BMPR1A: variants seen among roughly 807,000 people sequenced by gnomAD.
The protein encoded by BMPR1A is bone morphogenetic protein receptor type-1A.
A neutral mutation model predicts 66.0 loss-of-function variants in BMPR1A; 7 were observed. That is an observed-to-expected ratio of 0.11 (90% CI 0.06 to 0.20). The LOEUF (loss-of-function observed/expected upper bound fraction) is 0.20, where lower values mean the gene tolerates loss of function less well. BMPR1A is among the 10% of genes least tolerant of loss of function. The pLI, the probability that BMPR1A is intolerant of heterozygous loss-of-function variation, is 1.00. For synonymous variants in BMPR1A, 200 were observed against 229.7 expected (o/e 0.87, Z 1.17); for missense variants, 408 against 669.1 (o/e 0.61, Z 4.31).
intron 1 of BMPR1A, among the ~76,000 whole-genome samples, chr10:86,827,053 A>G (rs1373977279): frequency 6.6e-6 from 1 of 152,122 alleles, no homozygotes; most frequent in Non-Finnish European, 1.5e-5. Context: ...TACATGAATA[A>G]ATCTGGTCCA....
intron 4 of BMPR1A, among the ~76,000 whole-genome samples, chr10:86,891,461 A>G (rs961561452): frequency 2.0e-5 from 3 of 152,212 alleles, no homozygotes; most frequent in Admixed American, 6.5e-5. Flanking sequence ...GATATTAACA[A>G]TAAATAGGAG....
intron 5 of BMPR1A, among the ~76,000 whole-genome samples, chr10:86,895,854 C>A (rs1843217074): frequency 6.6e-6 from 1 of 152,060 alleles, no homozygotes; most frequent in African/African-American, 2.4e-5. Context: ...ACGGCAGAAC[C>A]CCATCTCTAC....
At chr10:86,887,588 A>T (rs1456513655) in intron 3 of BMPR1A, among the ~76,000 whole-genome samples, 1 of 152,214 alleles carries the variant, frequency 6.6e-6, no homozygotes, top group Non-Finnish European at 1.5e-5. Flanking sequence ...TGAGGTTCAG[A>T]GAGTAACTTA....
intron 1 of BMPR1A, among the ~76,000 whole-genome samples, chr10:86,768,931 T>G (rs1460689676): frequency 6.6e-6 from 1 of 151,734 alleles, no homozygotes; most frequent in African/African-American, 2.4e-5. Context: ...AACACTGTGC[T>G]TGCCACTGTA....
chr10:86,818,777 G>GA (rs1842073108), intron 1 of BMPR1A, among the ~76,000 whole-genome samples: 1 of 152,144 alleles, frequency 6.6e-6, no homozygotes, highest in Non-Finnish European at 1.5e-5. Flanking sequence ...GACATACCTG[G>GA]ATTGGAGTTC....
chr10:86,880,765 C>G (rs1842975959), intron 3 of BMPR1A, among the ~76,000 whole-genome samples: 1 of 152,126 alleles, frequency 6.6e-6, no homozygotes, highest in Non-Finnish European at 1.5e-5. Context: ...AGGGAAAGAG[C>G]AAGGTGATCT....
chr10:86,773,617 A>C (rs1271901653), intron 1 of BMPR1A, among the ~76,000 whole-genome samples: 2 of 143,156 alleles, frequency 1.4e-5, no homozygotes, highest in African/African-American at 2.6e-5. Context: ...AAAAAAAAAA[A>C]CACAACACCA....
At chr10:86,870,162 G>C (rs1842837606) in intron 2 of BMPR1A, among the ~76,000 whole-genome samples, 1 of 152,180 alleles carries the variant, frequency 6.6e-6, no homozygotes, top group South Asian at 2.1e-4. Context: ...CAGAGTCATA[G>C]CTGAATATTA....
At chr10:86,771,464 G>A (rs1589707903) in intron 1 of BMPR1A, among the ~76,000 whole-genome samples, 1 of 152,104 alleles carries the variant, frequency 6.6e-6, no homozygotes, top group African/African-American at 2.4e-5. Flanking sequence ...CTATGATATA[G>A]TTACTATTAT....
chr10:86,837,083 A>G (rs1305179636), intron 1 of BMPR1A, among the ~76,000 whole-genome samples: 2 of 152,222 alleles, frequency 1.3e-5, no homozygotes, highest in African/African-American at 4.8e-5. Context: ...CTATTTTTTA[A>G]ACTTTAGATT....
chr10:86,804,513 A>C (rs1195742477), intron 1 of BMPR1A, among the ~76,000 whole-genome samples: 1 of 152,152 alleles, frequency 6.6e-6, no homozygotes, highest in African/African-American at 2.4e-5. Context: ...GATTACAGGC[A>C]TGAGCCACTG....
At chr10:86,891,977 C>A in intron 4 of BMPR1A, 150 bp from the exon 5 acceptor site, 2 of 656,444 alleles carry the variant, frequency 3.0e-6, no homozygotes, top group Non-Finnish European at 5.4e-6. Context: ...AAACCTCTGG[C>A]GTTGCCAATA....
intron 1 of BMPR1A, among the ~76,000 whole-genome samples, chr10:86,836,055 G>T (rs1842341890): frequency 6.6e-6 from 1 of 152,054 alleles, no homozygotes; most frequent in Non-Finnish European, 1.5e-5. Context: ...CAACTAATAG[G>T]CTTAGAAATT....
intron 1 of BMPR1A, among the ~76,000 whole-genome samples, chr10:86,757,137 CTT>C (rs1847885665): frequency 6.6e-6 from 1 of 151,996 alleles, no homozygotes. Context: ...GCCGGCCCCT[CTT>C]TTGTCTCCCA....
At chr10:86,887,146 A>T (rs1395350715) in intron 3 of BMPR1A, among the ~76,000 whole-genome samples, 1 of 151,740 alleles carries the variant, frequency 6.6e-6, no homozygotes, top group East Asian at 1.9e-4. Flanking sequence ...GTATTTTGTC[A>T]CTTTTCACAT....
At position 86,808,918 on chromosome 10, in the gene BMPR1A, T is replaced by A. The variant is rs1841928445; in HGVS notation, c.-267-29947T>A. Among the ~76,000 whole-genome samples, 5 of 152,318 alleles carry A rather than the reference T, an allele frequency of 3.3e-5. No individual in the cohort carries two copies. The South Asian group carries it at 1.0e-3, about 32-fold the overall frequency. ...GTTTCTCTGATTCATCACAGGTTAC[T>A]TATAGGGATCCAGTTATCTTCCCTG... is the stretch of plus-strand genomic sequence containing the variant. On this transcript the variant is annotated intron_variant, in intron 1 of 12. Transcript: ENST00000372037.
At chr10:86,816,371 A>G (rs1389110880) in intron 1 of BMPR1A, among the ~76,000 whole-genome samples, 1 of 152,188 alleles carries the variant, frequency 6.6e-6, no homozygotes, top group Non-Finnish European at 1.5e-5. Context: ...AAAATTTAAA[A>G]TTATACACGT....
chr10:86,912,765 CTGAT>C (rs1320664041), intron 8 of BMPR1A, among the ~76,000 whole-genome samples: 7 of 152,088 alleles, frequency 4.6e-5, no homozygotes, highest in Admixed American at 2.0e-4. Context: ...TAAGTTTAAA[CTGAT>C]TGATTGAGGG....
intron 1 of BMPR1A, among the ~76,000 whole-genome samples, chr10:86,821,948 C>T (rs2133012828): frequency 6.6e-6 from 1 of 152,220 alleles, no homozygotes; most frequent in African/African-American, 2.4e-5. Flanking sequence ...GGACAGCAGG[C>T]ACGCACCACC....
Sources: allele counts gnomAD v4.1 joint callset (sites outside exome capture counted in the v4.1 genomes callset), GRCh38; gene constraint gnomAD v4.1.1; transcripts MANE v1.5; gene names NCBI Gene and HGNC (gene_info 2026-07-23, HGNC 2026-07-21).